Variants in TNRC6A observed in about 807,000 individuals in gnomAD.
The protein encoded by TNRC6A is trinucleotide repeat containing adaptor 6A.
TNRC6A carries 44 observed loss-of-function variants against 221.2 expected under a neutral mutation model. The observed-to-expected ratio is 0.20, with a 90% CI of 0.16 to 0.26. The LOEUF (loss-of-function observed/expected upper bound fraction) is 0.26. TNRC6A is among the 10% of genes least tolerant of loss of function. The pLI, the probability that TNRC6A is intolerant of heterozygous loss-of-function variation, is 1.00. For synonymous variants in TNRC6A, 847 were observed against 838.5 expected (o/e 1.01, Z -0.18); for missense variants, 2,199 against 2,404.4 (o/e 0.91, Z 1.79).
At chr16:24,693,932 T>C (rs1301076765) in intron 2 of TNRC6A, among the ~76,000 whole-genome samples, 1 of 152,010 alleles carries the variant, frequency 6.6e-6, no homozygotes, top group Non-Finnish European at 1.5e-5. Context: ...TTGATTAACA[T>C]GGAAGAAAGC....
At position 24,777,054 on chromosome 16, in the gene TNRC6A, A is replaced by G. The variant is rs573912317; in HGVS notation, c.285A>G (p.Pro95=). 83 of 1,612,942 alleles carry G rather than the reference A, an allele frequency of 5.1e-5. No individual in the cohort carries two copies. Among genetic ancestry groups the G allele is most frequent in the South Asian group, 2.5e-4 (23 of 91,016 alleles). The part of the protein sequence containing the change: ...AKRATANNQQ[P]QQQQQQQQPQ... ...GAGCTACAGCCAACAATCAGCAGCC[A>G]CAGCAGCAGCAGCAACAGCAGCAGC... is the stretch of plus-strand genomic sequence containing the variant. The change falls in exon 5 of 25, where the codon CCA becomes CCG. Residue 95 remains proline, a synonymous_variant. Transcript: ENST00000395799.
At chr16:24,716,288 T>A (rs1297352862) in intron 2 of TNRC6A, among the ~76,000 whole-genome samples, 3 of 152,210 alleles carry the variant, frequency 2.0e-5, no homozygotes, top group African/African-American at 7.2e-5. Context: ...TTTGTCTGCA[T>A]TTTTAGCCGT....
intron 19 of TNRC6A, 192 bp from the exon 20 acceptor site, chr16:24,816,624 T>C: frequency 1.6e-6 from 1 of 642,022 alleles, no homozygotes; most frequent in South Asian, 2.6e-5. Flanking sequence ...TTGTAAAAAC[T>C]TGCAAGTAAT....
intron 5 of TNRC6A, among the ~76,000 whole-genome samples, chr16:24,782,442 C>T (rs2057871226): frequency 6.6e-6 from 1 of 152,202 alleles, no homozygotes; most frequent in Non-Finnish European, 1.5e-5. Flanking sequence ...TTTCAAGCTA[C>T]AATGGCAGAG....
chr16:24,683,244 T>G (rs1208231939), intron 2 of TNRC6A, among the ~76,000 whole-genome samples: 1 of 152,216 alleles, frequency 6.6e-6, no homozygotes, highest in East Asian at 1.9e-4. Flanking sequence ...TATCACTCAC[T>G]GGAGTGCAGT....
chr16:24,707,754 T>C (rs779249787), intron 2 of TNRC6A, among the ~76,000 whole-genome samples: 9 of 152,154 alleles, frequency 5.9e-5, no homozygotes, highest in African/African-American at 7.2e-5. Context: ...TTGGCAAAGA[T>C]AGTGTTAAAT....
chr16:24,644,659 C>G (rs181041613), intron 2 of TNRC6A, among the ~76,000 whole-genome samples: 1 of 151,826 alleles, frequency 6.6e-6, no homozygotes, highest in African/African-American at 2.4e-5. Context: ...CACTATGCTG[C>G]CCAGGCTGGT....
intron 5 of TNRC6A, among the ~76,000 whole-genome samples, chr16:24,787,478 A>G (rs2057999102): frequency 6.6e-6 from 1 of 152,238 alleles, no homozygotes; most frequent in African/African-American, 2.4e-5. Flanking sequence ...CAGACATAGT[A>G]CTGAATGCCA....
At chr16:24,797,114 AT>A (rs1446681297) in intron 9 of TNRC6A, among the ~76,000 whole-genome samples, 6 of 152,174 alleles carry the variant, frequency 3.9e-5, no homozygotes, top group African/African-American at 1.2e-4. Context: ...CCTAGTCACT[AT>A]TTTTTTACTT....
intron 6 of TNRC6A, 196 bp from the exon 7 acceptor site, chr16:24,793,277 C>T: frequency 2.6e-6 from 1 of 389,798 alleles, no homozygotes; most frequent in Non-Finnish European, 4.5e-6. Flanking sequence ...AAATTCTCAC[C>T]TTATATTAAT....
intron 5 of TNRC6A, among the ~76,000 whole-genome samples, chr16:24,786,757 C>T (rs528624090): frequency 2.0e-5 from 3 of 152,020 alleles, no homozygotes; most frequent in East Asian, 1.9e-4. Context: ...TCTCGGCTCA[C>T]GGCAACAGCC....
intron 2 of TNRC6A, among the ~76,000 whole-genome samples, chr16:24,720,151 T>C (rs762845416): frequency 1.3e-5 from 2 of 152,216 alleles, no homozygotes; most frequent in Non-Finnish European, 2.9e-5. Flanking sequence ...TCCTTTCTAC[T>C]ATTTTAAGCA....
Position 24,639,764 on chromosome 16 carries a change from G to GCCTC in TNRC6A, n.277-1118_277-1115dup, listed in dbSNP as rs1266214518. ...TCACTCAAGTGATCCTCCTGCCTTAGCCTCCTGAGTAGCTGGGACTTACAG... is the reference window on the plus strand; with the variant it reads ...TCACTCAAGTGATCCTCCTGCCTTAGCCTCCCTCCTGAGTAGCTGGGACTTACAG... On this transcript the variant is annotated intron_variant and non_coding_transcript_variant, in intron 1 of 2. Transcript: ENST00000566108. 3.3e-5 allele frequency among the ~76,000 whole-genome samples: 5 copies of GCCTC among 152,148 alleles called. No homozygotes were observed. In the East Asian group the frequency reaches 9.7e-4, roughly 30 times the overall value.
intron 2 of TNRC6A, among the ~76,000 whole-genome samples, chr16:24,686,244 C>T (rs1274001921): frequency 2.6e-5 from 4 of 152,048 alleles, no homozygotes; most frequent in Non-Finnish European, 5.9e-5. Flanking sequence ...GGGGTGGAGA[C>T]GGGCTCTGGG....
chr16:24,714,907 T>G (rs1025383683), intron 2 of TNRC6A, among the ~76,000 whole-genome samples: 1 of 150,960 alleles, frequency 6.6e-6, no homozygotes, highest in Non-Finnish European at 1.5e-5. Flanking sequence ...GATGGAGTCT[T>G]GCTCTGTCAC....
intron 5 of TNRC6A, among the ~76,000 whole-genome samples, chr16:24,782,263 C>A (rs2057866253): frequency 6.6e-6 from 1 of 152,230 alleles, no homozygotes. Flanking sequence ...CATCTCCCTA[C>A]CACTTTCACC....
chr16:24,670,122 G>A (rs977801739), intron 2 of TNRC6A, among the ~76,000 whole-genome samples: 4 of 151,174 alleles, frequency 2.6e-5, no homozygotes, highest in Non-Finnish European at 5.9e-5. Context: ...GCTAATTTTT[G>A]TATTTTAAGA....
At chr16:24,730,420 C>T in intron 2 of TNRC6A, 120 bp downstream of exon 2, 2 of 1,198,854 alleles carry the variant, frequency 1.7e-6, no homozygotes, top group Non-Finnish European at 1.2e-6. Flanking sequence ...GGAGAGCAGA[C>T]ATTCGGGAGA....
At chr16:24,726,848 A>G (rs1221960547), upstream of TNRC6A, among the ~76,000 whole-genome samples, 1 of 152,184 alleles carries the variant, frequency 6.6e-6, no homozygotes, top group Non-Finnish European at 1.5e-5. Context: ...AGGGTCCCAC[A>G]TAAGGAATCA....
Sources: allele counts gnomAD v4.1 joint callset (sites outside exome capture counted in the v4.1 genomes callset), GRCh38; gene constraint gnomAD v4.1.1; transcripts MANE v1.5; gene names NCBI Gene and HGNC (gene_info 2026-07-23, HGNC 2026-07-21).